BRIP1: variants seen among roughly 807,000 people sequenced by gnomAD.
The protein encoded by BRIP1 is Fanconi anemia group J protein.
BRIP1 carries 88 observed loss-of-function variants against 119.7 expected under a neutral mutation model. That is an observed-to-expected ratio of 0.74 (90% CI 0.62 to 0.88). BRIP1 has a LOEUF of 0.88. Among genes scored for constraint, BRIP1 ranks in the 40% least tolerant of loss-of-function variants. BRIP1 has a pLI of 0.00. For missense variants in BRIP1, 1,259 were observed against 1,455.4 expected, an observed-to-expected ratio of 0.87 and a Z score of 2.20; for synonymous variants, 443 against 496.5, an observed-to-expected ratio of 0.89 and a Z score of 1.43.
chr17:61,711,675 C>G (rs966499854), intron 17 of BRIP1, among the ~76,000 whole-genome samples: 2 of 152,002 alleles, frequency 1.3e-5, no homozygotes, highest in Non-Finnish European at 2.9e-5. Context: ...TCAAGACCAG[C>G]CTGGCCAACA....
At chr17:61,711,341 T>C (rs1217473096) in intron 17 of BRIP1, among the ~76,000 whole-genome samples, 1 of 152,122 alleles carries the variant, frequency 6.6e-6, no homozygotes, top group African/African-American at 2.4e-5. Context: ...ATTTCAAAAA[T>C]ATATTCAAGC....
intron 16 of BRIP1, among the ~76,000 whole-genome samples, chr17:61,733,766 T>C (rs554246257): frequency 1.1e-4 from 16 of 152,230 alleles, no homozygotes; most frequent in Middle Eastern, 6.8e-3. Flanking sequence ...TTTTAAATAG[T>C]TTCCAAATAA....
In BRIP1 at chr17:61,801,393, C is replaced by A. The variant is rs535414791; in HGVS notation, c.1000G>T (p.Ala334Ser). Reference sequence around the variant, plus strand: ...CTGACAAGTTCTTCTATATCCCAGGCTTTGCACATCCCTTGGAAAGTCTGT... The same window carrying A: ...CTGACAAGTTCTTCTATATCCCAGGATTTGCACATCCCTTGGAAAGTCTGT... Reference protein sequence around the residue: ...TLQTFQGMCKAWDIEELVSLG... With the variant: ...TLQTFQGMCKSWDIEELVSLG... Residue 334 changes from alanine (A) to serine (S), a missense_variant, in exon 8 of 20, where the codon GCC (alanine) becomes TCC (serine). Physicochemically the swap from Ala to Ser is moderately conservative, Grantham distance 99. Around this residue, in one of 3 missense-constraint regions of BRIP1, gnomAD observed 501 missense variants for 544.0 expected, o/e 0.92. Coordinates refer to ENST00000259008, the MANE Select transcript of BRIP1 (RefSeq NM_032043.3). 5 of 1,613,998 alleles carry A rather than the reference C, an allele frequency of 3.1e-6. No individual in the cohort carries two copies. The highest frequency in any genetic ancestry group is 4.2e-6 in the Non-Finnish European group (5 of 1,179,902).
At chr17:61,859,212 C>A (rs926529721) in intron 3 of BRIP1, among the ~76,000 whole-genome samples, 1 of 151,196 alleles carries the variant, frequency 6.6e-6, no homozygotes, top group African/African-American at 2.4e-5. Flanking sequence ...GAGAAAGGAA[C>A]AGGTAAGCAA....
chr17:61,765,384 TATATA>T (rs2077342524), intron 14 of BRIP1, among the ~76,000 whole-genome samples: 3 of 21,980 alleles, frequency 1.4e-4, no homozygotes, highest in Non-Finnish European at 2.4e-4. Flanking sequence ...ATATATTATA[TATATA>T]TATATATATA....
At chr17:61,773,548 A>G (rs1377732701) in intron 14 of BRIP1, among the ~76,000 whole-genome samples, 1 of 152,186 alleles carries the variant, frequency 6.6e-6, no homozygotes, top group African/African-American at 2.4e-5. Flanking sequence ...AACAAAAGCC[A>G]AAATTGAAAA....
At position 61,825,381 on chromosome 17, in the gene BRIP1, T is replaced by C. The variant is rs1055428791; in HGVS notation, c.628-16624A>G. Among the ~76,000 whole-genome samples, 1 of 151,696 alleles carries C rather than the reference T, an allele frequency of 6.6e-6. No homozygotes were observed. Among genetic ancestry groups the C allele is most frequent in the Admixed American group, 6.6e-5 (1 of 15,230 alleles). The stretch of plus-strand genomic sequence containing the variant: ...ATTGGAAGTCCTGGCCAGGGCAATC[T>C]GACAAGAGAAAGAAATAAAGGGCAT... On this transcript the variant is annotated intron_variant, in intron 6 of 19. Transcript: ENST00000259008. This position sits in a 1 kb window ranked among gnomAD's most constrained non-coding sequence, Gnocchi z 4.1.
Position 61,686,021 on chromosome 17 carries a change from G to A in BRIP1, c.2720C>T (p.Ser907Phe), listed in dbSNP as rs2061357079. The A allele has an allele frequency of 1.2e-6, 2 of 1,613,984 alleles. No individual in the cohort carries two copies. Among genetic ancestry groups the A allele is most frequent in the Non-Finnish European group, 1.7e-6 (2 of 1,179,926 alleles). The change falls in exon 19 of 20, where the codon TCT becomes TTT. Residue 907 changes from serine (S) to phenylalanine (F), a missense_variant. Physicochemically the swap from Ser to Phe is radical, Grantham distance 155. Around this residue, in one of 3 missense-constraint regions of BRIP1, gnomAD observed 753 missense variants for 891.8 expected, o/e 0.84. Transcript: ENST00000259008. The surrounding 1 kb of genome is among the most constrained non-coding windows in gnomAD (Gnocchi z 5.4). ...KDRTNIQDNE[S>F]TLEVTSLKYS... Reference sequence around the variant, plus strand: ...CTTTAAAGAGGTCACTTCAAGTGTAGACTCATTGTCCTGTATATTGGTTCT... The same window carrying A: ...CTTTAAAGAGGTCACTTCAAGTGTAAACTCATTGTCCTGTATATTGGTTCT...
intron 14 of BRIP1, among the ~76,000 whole-genome samples, chr17:61,772,210 A>T (rs535034830): frequency 0.011 from 1,143 of 99,446 alleles, 25 homozygotes; most frequent in East Asian, 0.044. Context: ...TATATATATA[A>T]AATGAAATAT....
In BRIP1 at chr17:61,706,621, C is replaced by A. The variant is rs1190786356; in HGVS notation, c.2492+9330G>T. Among the ~76,000 whole-genome samples, 2 of 152,090 alleles carry A rather than the reference C, an allele frequency of 1.3e-5. No individual in the cohort carries two copies. The highest frequency in any genetic ancestry group is 2.9e-5 in the Non-Finnish European group (2 of 67,982). The stretch of plus-strand genomic sequence containing the variant: ...CTACTACTACTTCTTGGTTTTTGAA[C>A]TTTAGAACTTACGTACTGATTCTCT... On this transcript the variant is annotated intron_variant, in intron 17 of 19. Coordinates refer to ENST00000259008, the MANE Select transcript of BRIP1 (RefSeq NM_032043.3). This position sits in a 1 kb window ranked among gnomAD's most constrained non-coding sequence, Gnocchi z 5.7.
intron 13 of BRIP1, among the ~76,000 whole-genome samples, chr17:61,777,262 T>G (rs2077548810): frequency 6.6e-6 from 1 of 152,200 alleles, no homozygotes; most frequent in African/African-American, 2.4e-5. Context: ...TAGCATTGAG[T>G]AGAAAAAAAC....
Position 61,779,427 on chromosome 17 carries a change from C to G in BRIP1, c.1935+834G>C, listed in dbSNP as rs928455147. 9.9e-5 allele frequency among the ~76,000 whole-genome samples: 15 copies of G among 152,026 alleles called. 1 individual carries two copies. The highest frequency in any genetic ancestry group is 3.6e-4 in the African/African-American group (15 of 41,384). ...GACCTTGTCTCTAAAAAGATAAAGT[C>G]TGGCCAAAATGGCAAAACCCCGTCT... On this transcript the variant is annotated intron_variant, in intron 13 of 19. Coordinates refer to ENST00000259008, the MANE Select transcript of BRIP1 (RefSeq NM_032043.3).
In BRIP1 at chr17:61,847,106, G is replaced by A; in HGVS notation, c.622C>T (p.Gln208Ter). The A allele has an allele frequency of 6.2e-7, 1 of 1,613,782 alleles. No homozygotes were observed. The highest frequency in any genetic ancestry group is 1.3e-5 in the African/African-American group (1 of 75,008). Residue 208 changes from glutamine to a stop codon, truncating the protein, a stop_gained, in exon 6 of 20, where the codon CAG becomes TAG. Transcript: ENST00000259008. LOFTEE classifies it high-confidence loss of function. ...ACAATGGCATTAATACATACTTTCTGTGGCGAAAAGGAGTTTATCTTTTCC... is the reference window on the plus strand; with the variant it reads ...ACAATGGCATTAATACATACTTTCTATGGCGAAAAGGAGTTTATCTTTTCC... ...PLEKINSFSP[Q>*]KPPGHCSRCC...
chr17:61,691,844 C>T lies in BRIP1; in HGVS notation c.2575+1586G>A, dbSNP rs527948480. ...TAAAAGCTGCAGGCATCATACCTCC[C>T]GATTATAAAATACATTACACAGCTG... is the stretch of plus-strand genomic sequence containing the variant. On this transcript the variant is annotated intron_variant, in intron 18 of 19. Coordinates refer to ENST00000259008, the MANE Select transcript of BRIP1 (RefSeq NM_032043.3). The surrounding 1 kb of genome is among the most constrained non-coding windows in gnomAD (Gnocchi z 5.0). 5.2e-4 allele frequency among the ~76,000 whole-genome samples: 79 copies of T among 152,038 alleles called. No homozygotes were observed. The highest frequency in any genetic ancestry group is 1.0e-3 in the Non-Finnish European group (68 of 67,996).
chr17:61,840,812 C>T (rs375964804), intron 6 of BRIP1, among the ~76,000 whole-genome samples: 14 of 152,134 alleles, frequency 9.2e-5, no homozygotes, highest in African/African-American at 2.9e-4. Flanking sequence ...GTAGGCACCA[C>T]GCTATGTACT....
rs2078684518 is a variant in BRIP1 at position 61,843,350 on chromosome 17, C to T, written c.627+3751G>A. Among the ~76,000 whole-genome samples, 1 of 151,994 alleles carries T rather than the reference C, an allele frequency of 6.6e-6. No homozygotes were observed. Among genetic ancestry groups the T allele is most frequent in the Non-Finnish European group, 1.5e-5 (1 of 67,994 alleles). ...TCTAGGCTGGATATTTCGATATTGG[C>T]TTTAAAATTTTCAGGTGTTCTCAAC... is the stretch of plus-strand genomic sequence containing the variant. On this transcript the variant is annotated intron_variant, in intron 6 of 19. Transcript: ENST00000259008. This position sits in a 1 kb window ranked among gnomAD's most constrained non-coding sequence, Gnocchi z 5.7.
In BRIP1 at chr17:61,831,327, T is replaced by G. The variant is rs74939371; in HGVS notation, c.627+15774A>C. Among the ~76,000 whole-genome samples the G allele has an allele frequency of 6.6e-6, 1 of 152,154 alleles. No homozygotes were observed. Among genetic ancestry groups the G allele is most frequent in the East Asian group, 1.9e-4 (1 of 5,198 alleles). ...TTACTAGAGAATGAAACATGCAACT[T>G]TGGGTACTTAGAAAGTCCTAAAGAA... On this transcript the variant is annotated intron_variant, in intron 6 of 19. Coordinates refer to ENST00000259008, the MANE Select transcript of BRIP1 (RefSeq NM_032043.3). The surrounding 1 kb of genome is among the most constrained non-coding windows in gnomAD (Gnocchi z 4.1).
In BRIP1 at chr17:61,704,708, G is replaced by A. The variant is rs1468701632; in HGVS notation, c.2493-11196C>T. 6.6e-6 allele frequency among the ~76,000 whole-genome samples: 1 copy of A among 151,978 alleles called. No individual in the cohort carries two copies. The highest frequency in any genetic ancestry group is 1.5e-5 in the Non-Finnish European group (1 of 67,974). ...TGAATTTTGGTATTTTGTGGGTTTTGTGGAATTAATCTACTTCATCTAAGT... is the reference window on the plus strand; with the variant it reads ...TGAATTTTGGTATTTTGTGGGTTTTATGGAATTAATCTACTTCATCTAAGT... On this transcript the variant is annotated intron_variant, in intron 17 of 19. Coordinates refer to ENST00000259008, the MANE Select transcript of BRIP1 (RefSeq NM_032043.3). The surrounding 1 kb of genome is among the most constrained non-coding windows in gnomAD (Gnocchi z 5.7).
chr17:61,738,101 G>A lies in BRIP1; in HGVS notation c.2379+4912C>T, dbSNP rs769814663. On this transcript the variant is annotated intron_variant, in intron 16 of 19. Transcript: ENST00000259008. This position sits in a 1 kb window ranked among gnomAD's most constrained non-coding sequence, Gnocchi z 4.2. ...ATACAGGTGGAACAGAGCTGACTCA[G>A]TTGACTTCAACACAGATCAGCCAAC... Among the ~76,000 whole-genome samples, 12 of 152,182 alleles carry A rather than the reference G, an allele frequency of 7.9e-5. No individual in the cohort carries two copies. The highest frequency in any genetic ancestry group is 1.8e-4 in the Non-Finnish European group (12 of 68,034).
Sources: gnomAD v4.1 joint callset for allele counts (sites outside exome capture counted in the v4.1 genomes callset) on GRCh38, gnomAD v4.1.1 for gene constraint, gnomAD v4.1.1 regional missense constraint, Gnocchi (gnomAD v3.1) non-coding constraint, MANE v1.5 for transcripts, NCBI Gene and HGNC (gene_info 2026-07-23, HGNC 2026-07-21) for gene names.